Variants in ASAP2 observed in about 807,000 individuals in gnomAD.
The protein encoded by ASAP2 is arf-GAP with SH3 domain, ANK repeat and PH domain-containing protein 2.
In ASAP2, 45 loss-of-function variants were observed where a neutral mutation model predicts 131.4. That is an observed-to-expected ratio of 0.34 (90% CI 0.27 to 0.44). The LOEUF (loss-of-function observed/expected upper bound fraction) is 0.44. ASAP2 is among the 20% of genes least tolerant of loss of function. The probability of loss-of-function intolerance (pLI) is 1.00; values close to 1 mark genes in which losing one functional copy is unlikely to be tolerated. For missense variants in ASAP2, 1,011 were observed against 1,297.0 expected (o/e 0.78, Z 3.39); for synonymous variants, 510 against 503.0 (o/e 1.01, Z -0.19).
chr2:9,337,304 A>G (rs918912672), intron 9 of ASAP2, among the ~76,000 whole-genome samples: 8 of 152,214 alleles, frequency 5.3e-5, no homozygotes, highest in African/African-American at 1.9e-4. Context: ...AGCAAGTTGG[A>G]CAATCTTTGA....
chr2:9,315,565 T>C (rs926978970), intron 3 of ASAP2, among the ~76,000 whole-genome samples: 1 of 152,088 alleles, frequency 6.6e-6, no homozygotes, highest in Non-Finnish European at 1.5e-5. Context: ...GCTGGCTGCA[T>C]ACTTGGGGCT....
intron 2 of ASAP2, among the ~76,000 whole-genome samples, chr2:9,288,940 A>C (rs761216549): frequency 3.9e-5 from 6 of 152,172 alleles, no homozygotes; most frequent in Non-Finnish European, 7.3e-5. Context: ...TACATTTTCA[A>C]TGAGGAAATT....
chr2:9,209,038 C>T (rs1236017848), intron 1 of ASAP2, among the ~76,000 whole-genome samples: 1 of 152,168 alleles, frequency 6.6e-6, no homozygotes, highest in African/African-American at 2.4e-5. Context: ...GTGTATAATT[C>T]CAAAGCTCTT....
At chr2:9,288,420 G>A (rs538223592) in intron 2 of ASAP2, among the ~76,000 whole-genome samples, 19 of 152,260 alleles carry the variant, frequency 1.2e-4, no homozygotes, top group African/African-American at 3.1e-4. Flanking sequence ...CCAGGATCTC[G>A]TGAAACCACA....
At chr2:9,323,295 G>T in intron 6 of ASAP2, 45 bp downstream of exon 6, 1 of 1,609,634 alleles carries the variant, frequency 6.2e-7, no homozygotes, top group East Asian at 2.2e-5. Flanking sequence ...GGCTGTGCCG[G>T]CTCTGCCCTC....
At chr2:9,353,890 A>G (rs1368236338) in intron 12 of ASAP2, among the ~76,000 whole-genome samples, 2 of 151,700 alleles carry the variant, frequency 1.3e-5, no homozygotes, top group African/African-American at 2.4e-5. Flanking sequence ...TGGGGGGATC[A>G]CTTGAGTCCA....
chr2:9,264,489 T>C (rs1263802922), intron 1 of ASAP2, among the ~76,000 whole-genome samples: 6 of 152,218 alleles, frequency 3.9e-5, no homozygotes, highest in Non-Finnish European at 8.8e-5. Flanking sequence ...CACAGGGTGT[T>C]GGAGACAGTG....
intron 21 of ASAP2, among the ~76,000 whole-genome samples, chr2:9,386,248 G>T (rs539362189): frequency 6.6e-6 from 1 of 152,096 alleles, no homozygotes; most frequent in East Asian, 1.9e-4. Flanking sequence ...TCTGAAACCT[G>T]TTGGACTGTC....
intron 1 of ASAP2, among the ~76,000 whole-genome samples, chr2:9,252,592 C>G (rs143340599): frequency 6.7e-6 from 1 of 150,348 alleles, no homozygotes; most frequent in African/African-American, 2.5e-5. Flanking sequence ...CCCCGCCCCC[C>G]AAAAAAAGCC....
chr2:9,255,429 A>C (rs1488411042), intron 1 of ASAP2, among the ~76,000 whole-genome samples: 1 of 152,186 alleles, frequency 6.6e-6, no homozygotes, highest in Non-Finnish European at 1.5e-5. Flanking sequence ...CACAGAAAAA[A>C]CTGGAAGGAT....
At chr2:9,338,201 T>TG (rs1248758963) in intron 9 of ASAP2, among the ~76,000 whole-genome samples, 2 of 152,146 alleles carry the variant, frequency 1.3e-5, no homozygotes, top group Admixed American at 1.3e-4. Context: ...TGTGCTTCTA[T>TG]GGGGAGGATC....
chr2:9,249,942 A>G (rs1664593830), intron 1 of ASAP2, among the ~76,000 whole-genome samples: 1 of 152,218 alleles, frequency 6.6e-6, no homozygotes, highest in Non-Finnish European at 1.5e-5. Flanking sequence ...TCTCCTGCCC[A>G]TCAAAAGGCT....
chr2:9,252,645 G>A (rs898296743), intron 1 of ASAP2, among the ~76,000 whole-genome samples: 1 of 152,150 alleles, frequency 6.6e-6, no homozygotes, highest in South Asian at 2.1e-4. Context: ...GCCGGGTGCA[G>A]TGGCTCACGC....
At position 9,268,653 on chromosome 2, in the gene ASAP2, T is replaced by G. The variant is rs1174565385; in HGVS notation, c.127-10664T>G. Among the ~76,000 whole-genome samples the G allele has an allele frequency of 6.6e-6, 1 of 152,236 alleles. No homozygotes were observed. The highest frequency in any genetic ancestry group is 2.4e-5 in the African/African-American group (1 of 41,460). Reference sequence around the variant, plus strand: ...GACAAAGCTGCCATCTGAATGTCTGTCTGACTCTTCTTGGCAAAGCCACCC... The same window carrying G: ...GACAAAGCTGCCATCTGAATGTCTGGCTGACTCTTCTTGGCAAAGCCACCC... On this transcript the variant is annotated intron_variant, in intron 1 of 27. Transcript: ENST00000281419. This position sits in a 1 kb window ranked among gnomAD's most constrained non-coding sequence, Gnocchi z 4.1.
intron 11 of ASAP2, among the ~76,000 whole-genome samples, chr2:9,345,358 G>A (rs1473211276): frequency 2.0e-5 from 3 of 152,116 alleles, no homozygotes; most frequent in East Asian, 1.9e-4. Flanking sequence ...CAGAGTCTAT[G>A]CAAGAAAAAA....
At position 9,323,117 on chromosome 2, in the gene ASAP2, G is replaced by T. The variant is rs753211023; in HGVS notation, c.471-4G>T. 3 of 1,613,970 alleles carry T rather than the reference G, an allele frequency of 1.9e-6. No homozygotes were observed. The African/African-American group carries it at 4.0e-5, about 22-fold the overall frequency. ...TCTTGATGTATCCTTGCTTTCACAC[G>T]TAGAACCAAGATAGAAAAGGAGAAA... On this transcript the variant is annotated splice_polypyrimidine_tract_variant and splice_region_variant and intron_variant, in intron 5 of 27. Coordinates refer to ENST00000281419, the MANE Select transcript of ASAP2 (RefSeq NM_003887.3).
At chr2:9,274,319 CTT>C (rs57798948) in intron 1 of ASAP2, among the ~76,000 whole-genome samples, 39 of 106,758 alleles carry the variant, frequency 3.7e-4, no homozygotes, top group East Asian at 1.5e-3. Flanking sequence ...AGCATTCAAT[CTT>C]TTTTTTTTTT....
chr2:9,286,447 A>AAAAAAAAATATATATATATATAT (rs58605449), intron 2 of ASAP2, among the ~76,000 whole-genome samples: 1 of 148,420 alleles, frequency 6.7e-6, no homozygotes, highest in African/African-American at 2.5e-5. Flanking sequence ...GAAAAAAAAA[A>AAAAAAAAATATATATATATATAT]ATATATATAT....
chr2:9,237,496 C>T (rs979208036), intron 1 of ASAP2, among the ~76,000 whole-genome samples: 2 of 150,940 alleles, frequency 1.3e-5, no homozygotes, highest in Non-Finnish European at 2.9e-5. Context: ...GCTGCAGCCT[C>T]GACCTCCTAG....
Sources: allele counts gnomAD v4.1 joint callset (sites outside exome capture counted in the v4.1 genomes callset), GRCh38; gene constraint gnomAD v4.1.1; non-coding constraint Gnocchi (gnomAD v3.1); transcripts MANE v1.5; gene names NCBI Gene and HGNC (gene_info 2026-07-23, HGNC 2026-07-21).